Variants in TAF5 observed in about 807,000 individuals in gnomAD.
TAF5 encodes the protein TATA-box binding protein associated factor 5, also known as transcription initiation factor TFIID subunit 5.
Under a neutral mutation model 80.9 loss-of-function variants are expected in TAF5, and 20 were observed. That is an observed-to-expected ratio of 0.25 (90% confidence interval 0.17 to 0.36). The LOEUF is 0.36. Ranked by LOEUF, TAF5 falls within the 10% of genes least tolerant of loss-of-function variation. The pLI is 1.00. For synonymous variants in TAF5, 388 were observed against 406.4 expected (o/e 0.95, Z 0.55); for missense variants, 863 against 1,029.4 (o/e 0.84, Z 2.21).
At chr10:103,380,737 C>T (rs994734561) in intron 5 of TAF5, among the ~76,000 whole-genome samples, 6 of 151,592 alleles carry the variant, frequency 4.0e-5, no homozygotes, top group South Asian at 2.1e-4. Flanking sequence ...GCCTCAGCCT[C>T]GGCCTCCTGA....
At chr10:103,385,669 A>G (rs911716391) in intron 8 of TAF5, among the ~76,000 whole-genome samples, 179 bp downstream of exon 8, 5 of 152,266 alleles carry the variant, frequency 3.3e-5, no homozygotes, top group African/African-American at 9.6e-5. Flanking sequence ...TTATGCCTGT[A>G]ATCCCAGCAC....
Position 103,388,232 on chromosome 10 carries a change from T to C in TAF5, c.*9T>C. 1 of 1,601,032 alleles carries C rather than the reference T, an allele frequency of 6.2e-7. No individual in the cohort carries two copies. Among genetic ancestry groups the C allele is most frequent in the South Asian group, 1.1e-5 (1 of 88,762 alleles). On this transcript the variant is annotated 3_prime_UTR_variant, in exon 11 of 11. Transcript: ENST00000369839. ...CTTATAGTCCACAATAAACCATCGGTATTAAAGACCTTTTGGAAGCTACTG... is the reference window on the plus strand; with the variant it reads ...CTTATAGTCCACAATAAACCATCGGCATTAAAGACCTTTTGGAAGCTACTG...
Position 103,374,737 on chromosome 10 carries a change from T to A in TAF5, c.797+1142T>A, listed in dbSNP as rs1209438983. ...ACCTTTATGCAGTGGGGAAAACAAA[T>A]GGGGGATAGAATGACTATAGGGACA... On this transcript the variant is annotated intron_variant, in intron 2 of 10. Coordinates refer to ENST00000369839, the MANE Select transcript of TAF5 (RefSeq NM_006951.5). The surrounding 1 kb of genome is among the most constrained non-coding windows in gnomAD (Gnocchi z 4.3). 6.6e-6 allele frequency among the ~76,000 whole-genome samples: 1 copy of A among 152,026 alleles called. No individual in the cohort carries two copies. Among genetic ancestry groups the A allele is most frequent in the East Asian group, 1.9e-4 (1 of 5,190 alleles).
In TAF5 at chr10:103,387,299, C is replaced by T. The variant is rs2093399025; in HGVS notation, c.1954C>T (p.Arg652Trp). 6 of 1,613,952 alleles carry T rather than the reference C, an allele frequency of 3.7e-6. No individual in the cohort carries two copies. Among genetic ancestry groups the T allele is most frequent in the Admixed American group, 1.7e-5 (1 of 59,990 alleles). Residue 652 changes from arginine (R) to tryptophan (W), a missense_variant, in exon 9 of 11, where the codon CGG becomes TGG. By Grantham distance (101) the Arg-to-Trp change is moderately radical. Around this residue, in one of 3 missense-constraint regions of TAF5, gnomAD observed 368 missense variants for 461.7 expected, o/e 0.80. Coordinates refer to ENST00000369839, the MANE Select transcript of TAF5 (RefSeq NM_006951.5). ...VATGSADRTV[R>W]LWDVLNGNCV... is the part of the protein sequence containing the mutation. ...TACGGGCTCTGCAGACAGAACTGTG[C>T]GGCTCTGGGACGTCCTGAATGGTAA...
chr10:103,383,476 T>G, intron 7 of TAF5, 109 bp downstream of exon 7: 1 of 1,091,416 alleles, frequency 9.2e-7, no homozygotes, highest in Non-Finnish European at 1.3e-6. Flanking sequence ...GATAAAAATC[T>G]CATGGTTGTC....
Position 103,388,130 on chromosome 10 carries a change from G to A in TAF5, c.2310G>A (p.Leu770=), listed in dbSNP as rs759145769. 1.2e-6 allele frequency: 2 copies of A among 1,613,998 alleles called. No individual in the cohort carries two copies. The highest frequency in any genetic ancestry group is 2.7e-5 in the African/African-American group (2 of 75,012). Residue 770 remains leucine (L), a synonymous_variant, in exon 11 of 11, where the codon TTG becomes TTA. Coordinates refer to ENST00000369839, the MANE Select transcript of TAF5 (RefSeq NM_006951.5). ...NLPENSQELL[L]GTYMTKSTPV... The stretch of plus-strand genomic sequence containing the variant: ...CTGAGAATTCACAGGAGTTATTGTT[G>A]GGAACATATATGACCAAATCAACAC...
At position 103,388,829 on chromosome 10, in the gene TAF5, C is replaced by T. The variant is rs1245136694; in HGVS notation, c.*606C>T. The T allele has an allele frequency of 6.5e-6, 1 of 152,822 alleles. No homozygotes were observed. The highest frequency in any genetic ancestry group is 6.5e-5 in the Admixed American group (1 of 15,284). The allele number at this position is 152,822 out of a possible 1,614,324, so 9.5% of individuals were successfully genotyped here. A position where few individuals can be genotyped will look rare whatever the true frequency, so the allele number is the denominator to read the frequency against. ...TGAGTGCACCCAAACACTCGATAAACCAGGTGAAGAAATTTAGCTTCCATG... is the reference window on the plus strand; with the variant it reads ...TGAGTGCACCCAAACACTCGATAAATCAGGTGAAGAAATTTAGCTTCCATG... On this transcript the variant is annotated 3_prime_UTR_variant, in exon 11 of 11. Transcript: ENST00000369839.
At position 103,374,276 on chromosome 10, in the gene TAF5, AGTTT is replaced by A. The variant is rs2093365726; in HGVS notation, c.797+686_797+689del. ...ACAACAGAGGTTTAAATACAATAAA[AGTTT>A]GTTTATTTTTCTCGTAAATGTGGGA... On this transcript the variant is annotated intron_variant, in intron 2 of 10. Transcript: ENST00000369839. The surrounding 1 kb of genome is among the most constrained non-coding windows in gnomAD (Gnocchi z 4.3). Among the ~76,000 whole-genome samples the A allele has an allele frequency of 2.6e-5, 4 of 152,328 alleles. No homozygotes were observed. In the South Asian group the frequency reaches 6.2e-4, roughly 24 times the overall value.
intron 1 of TAF5, among the ~76,000 whole-genome samples, chr10:103,369,008 T>G (rs2093352687): frequency 1.3e-5 from 2 of 150,826 alleles, no homozygotes; most frequent in South Asian, 4.2e-4. Flanking sequence ...AGACGGAAAC[T>G]TGCTCTGTTG....
chr10:103,369,603 T>G (rs2133621035), intron 1 of TAF5, among the ~76,000 whole-genome samples: 1 of 151,980 alleles, frequency 6.6e-6, no homozygotes, highest in South Asian at 2.1e-4. Flanking sequence ...GACCTCGTGA[T>G]GCACCCACCT....
Position 103,368,000 on chromosome 10 carries a change from T to C in TAF5, c.11T>C (p.Leu4Pro), listed in dbSNP as rs1347966577. Residue 4 changes from leucine (L) to proline (P), a missense_variant, in exon 1 of 11, where the codon CTG becomes CCG. Physicochemically the swap from Leu to Pro is moderately conservative, Grantham distance 98. Coordinates refer to ENST00000369839, the MANE Select transcript of TAF5 (RefSeq NM_006951.5). Reference sequence around the variant, plus strand: ...TGGCTCAGCCGCAAGATGGCGGCGCTGGCGGAGGAGCAGACGGAGGTGGCG... The same window carrying C: ...TGGCTCAGCCGCAAGATGGCGGCGCCGGCGGAGGAGCAGACGGAGGTGGCG... MAA[L>P]AEEQTEVAVK... 7.5e-6 allele frequency: 11 copies of C among 1,461,324 alleles called. No homozygotes were observed. The South Asian group carries it at 1.5e-4, about 19-fold the overall frequency. 90.5% of individuals were successfully genotyped at this position (1,461,324 alleles called of 1,614,324 possible).
At chr10:103,373,625 C>A (rs775171859) in intron 2 of TAF5, 30 bp downstream of exon 2, 2 of 1,427,808 alleles carry the variant, frequency 1.4e-6, no homozygotes, top group African/African-American at 1.4e-5. Flanking sequence ...TATATATATA[C>A]ACACATACGT....
chr10:103,371,826 A>G (rs937626888), intron 1 of TAF5, among the ~76,000 whole-genome samples: 2 of 152,152 alleles, frequency 1.3e-5, no homozygotes, highest in African/African-American at 4.8e-5. Flanking sequence ...GGTGGGTGCC[A>G]TTTGCACAGA....
In TAF5 at chr10:103,374,620, T is replaced by C. The variant is rs978955433; in HGVS notation, c.797+1025T>C. Among the ~76,000 whole-genome samples, 1 of 152,180 alleles carries C rather than the reference T, an allele frequency of 6.6e-6. No individual in the cohort carries two copies. The highest frequency in any genetic ancestry group is 1.5e-5 in the Non-Finnish European group (1 of 68,028). On this transcript the variant is annotated intron_variant, in intron 2 of 10. Coordinates refer to ENST00000369839, the MANE Select transcript of TAF5 (RefSeq NM_006951.5). The surrounding 1 kb of genome is among the most constrained non-coding windows in gnomAD (Gnocchi z 4.3). ...TGGAGGAAGACAGGAAAAATGGATA[T>C]TTGGGGAGAGCGAAGCCTTTTTGCT...
Position 103,387,329 on chromosome 10 carries a change from G to T in TAF5, c.1984G>T (p.Val662Leu), listed in dbSNP as rs1451896001. 6.2e-7 allele frequency: 1 copy of T among 1,613,682 alleles called. No individual in the cohort carries two copies. The highest frequency in any genetic ancestry group is 8.5e-7 in the Non-Finnish European group (1 of 1,179,904). The change falls in exon 9 of 11, where the codon GTA (valine) becomes TTA (leucine). Residue 662 changes from valine (V) to leucine (L), a missense_variant. Coordinates refer to ENST00000369839, the MANE Select transcript of TAF5 (RefSeq NM_006951.5). ...CTGGGACGTCCTGAATGGTAACTGT[G>T]TAAGGATCTTCACTGGACACAAGGT... ...RLWDVLNGNC[V>L]RIFTGHKGPI...
intron 7 of TAF5, among the ~76,000 whole-genome samples, chr10:103,384,673 A>G (rs919392396): frequency 8.5e-5 from 13 of 152,212 alleles, no homozygotes; most frequent in African/African-American, 2.4e-4. Flanking sequence ...CTTTCCATCC[A>G]TCAAGGTTTC....
At chr10:103,368,572 G>C (rs1310409896) in intron 1 of TAF5, 24 bp downstream of exon 1, 2 of 1,458,510 alleles carry the variant, frequency 1.4e-6, no homozygotes, top group Non-Finnish European at 1.8e-6. Context: ...TCCCGGGTAG[G>C]TACGGCCGCC....
At chr10:103,385,262 TA>T in intron 7 of TAF5, 63 bp from the exon 8 acceptor site, 1 of 1,347,308 alleles carries the variant, frequency 7.4e-7, no homozygotes, top group South Asian at 1.3e-5. Context: ...CAAATGTATA[TA>T]AAACTGGGCA....
chr10:103,381,757 C>A lies in TAF5; in HGVS notation c.1450C>A (p.Leu484Met). ...TAVDVTDDSS[L>M]IAGGFADSTV... ...AGTGGATGTCACTGATGATTCTAGTCTGATTGCTGGAGGTTTTGCAGATTC... is the reference window on the plus strand; with the variant it reads ...AGTGGATGTCACTGATGATTCTAGTATGATTGCTGGAGGTTTTGCAGATTC... The change falls in exon 6 of 11, where the codon CTG (leucine) becomes ATG (methionine). Residue 484 changes from leucine (L) to methionine (M), a missense_variant. Physicochemically the swap from Leu to Met is conservative, Grantham distance 15. Transcript: ENST00000369839. The A allele has an allele frequency of 5.0e-6, 8 of 1,614,066 alleles. No individual in the cohort carries two copies. The highest frequency in any genetic ancestry group is 6.8e-6 in the Non-Finnish European group (8 of 1,179,998).
Sources: allele counts gnomAD v4.1 joint callset (sites outside exome capture counted in the v4.1 genomes callset), GRCh38; gene constraint gnomAD v4.1.1; regional missense constraint gnomAD v4.1.1; non-coding constraint Gnocchi (gnomAD v3.1); transcripts MANE v1.5; gene names NCBI Gene and HGNC (gene_info 2026-07-23, HGNC 2026-07-21).